SLC39A11: variants seen among roughly 807,000 people sequenced by gnomAD.
The protein encoded by SLC39A11 is zinc transporter ZIP11.
In SLC39A11, 33 loss-of-function variants were observed where a neutral mutation model predicts 36.1. The observed-to-expected ratio is 0.91, with a 90% CI of 0.69 to 1.22. SLC39A11 has a LOEUF of 1.22. Among genes scored for constraint, SLC39A11 ranks in the 50% most tolerant of loss-of-function variants. The pLI is 0.00. For synonymous variants in SLC39A11, 166 were observed against 170.3 expected, an observed-to-expected ratio of 0.97 and a Z score of 0.20; for missense variants, 432 against 430.3, an observed-to-expected ratio of 1.00 and a Z score of -0.03.
intron 7 of SLC39A11, among the ~76,000 whole-genome samples, chr17:72,653,419 G>T (rs528839464): frequency 1.4e-5 from 2 of 142,888 alleles, no homozygotes; most frequent in East Asian, 4.2e-4. Flanking sequence ...TTTTTGTTTT[G>T]GTTTTTCTTT....
chr17:73,029,332 G>A (rs1284295623), intron 4 of SLC39A11, among the ~76,000 whole-genome samples: 1 of 152,012 alleles, frequency 6.6e-6, no homozygotes, highest in African/African-American at 2.4e-5. Context: ...GGAGAGAAGA[G>A]TAGAATGGGA....
At chr17:72,904,635 G>A (rs562166988) in intron 5 of SLC39A11, among the ~76,000 whole-genome samples, 43 of 152,304 alleles carry the variant, frequency 2.8e-4, no homozygotes, top group Non-Finnish European at 5.1e-4. Flanking sequence ...TTGGCCTGAG[G>A]AACCCTCTGG....
intron 7 of SLC39A11, among the ~76,000 whole-genome samples, chr17:72,659,848 G>A (rs978834637): frequency 3.9e-5 from 6 of 151,936 alleles, no homozygotes; most frequent in African/African-American, 1.5e-4. Flanking sequence ...CAATCTGCCC[G>A]CCTCAGGCTC....
intron 2 of SLC39A11, among the ~76,000 whole-genome samples, chr17:73,086,252 C>T (rs1452866452): frequency 1.3e-5 from 2 of 151,892 alleles, no homozygotes; most frequent in African/African-American, 2.4e-5. Context: ...AAGCTGCATA[C>T]TTATATTAGG....
chr17:72,844,466 C>T (rs543026882), intron 6 of SLC39A11, among the ~76,000 whole-genome samples: 2 of 152,166 alleles, frequency 1.3e-5, no homozygotes, highest in Non-Finnish European at 2.9e-5. Context: ...TCCAGGAGTT[C>T]AAGACCAGCC....
chr17:72,875,927 C>T (rs2080878733), intron 5 of SLC39A11, among the ~76,000 whole-genome samples: 1 of 152,200 alleles, frequency 6.6e-6, no homozygotes, highest in Non-Finnish European at 1.5e-5. Flanking sequence ...CATCCTGGAG[C>T]TACCACCCCT....
intron 7 of SLC39A11, among the ~76,000 whole-genome samples, chr17:72,683,143 A>G (rs779260785): frequency 1.3e-5 from 2 of 152,100 alleles, no homozygotes; most frequent in African/African-American, 2.4e-5. Flanking sequence ...CTAATTTACT[A>G]CAGGTAACTG....
chr17:72,674,029 C>T (rs1461105880), intron 7 of SLC39A11, among the ~76,000 whole-genome samples: 1 of 152,120 alleles, frequency 6.6e-6, no homozygotes, highest in Non-Finnish European at 1.5e-5. Flanking sequence ...GATCGTGCCA[C>T]TGCAATCCAG....
At position 72,687,310 on chromosome 17, in the gene SLC39A11, C is replaced by A. The variant is rs534328358; in HGVS notation, c.672-38042G>T. Among the ~76,000 whole-genome samples, 4 of 152,206 alleles carry A rather than the reference C, an allele frequency of 2.6e-5. No homozygotes were observed. The South Asian group carries it at 8.3e-4, about 32-fold the overall frequency. The stretch of plus-strand genomic sequence containing the variant: ...TCGCTCTGTTGCCCAGGCTGGAGTG[C>A]GATGGTGCGATCTCGGCTCACTGCA... On this transcript the variant is annotated intron_variant, in intron 7 of 9. Transcript: ENST00000255559.
At chr17:72,969,532 T>C (rs1206871468) in intron 4 of SLC39A11, among the ~76,000 whole-genome samples, 2 of 152,132 alleles carry the variant, frequency 1.3e-5, no homozygotes, top group Non-Finnish European at 2.9e-5. Context: ...CAATATGGCA[T>C]TCACGTTCCT....
At chr17:72,768,163 C>T (rs1411842392) in intron 6 of SLC39A11, among the ~76,000 whole-genome samples, 1 of 152,212 alleles carries the variant, frequency 6.6e-6, no homozygotes, top group Non-Finnish European at 1.5e-5. Context: ...AAGGGCCAAT[C>T]TGCAATAGTG....
chr17:73,062,154 A>G lies in SLC39A11; in HGVS notation c.147+22654T>C, dbSNP rs150263572. On this transcript the variant is annotated intron_variant, in intron 3 of 9. Transcript: ENST00000255559. ...TAGTTTGTCAAACTCATAATCCTGGAAAGACAATCAAAACTTCAGATGAGG... is the reference window on the plus strand; with the variant it reads ...TAGTTTGTCAAACTCATAATCCTGGGAAGACAATCAAAACTTCAGATGAGG... Among the ~76,000 whole-genome samples the G allele has an allele frequency of 2.6e-5, 4 of 152,046 alleles. No homozygotes were observed. The East Asian group carries it at 7.8e-4, about 30-fold the overall frequency.
intron 3 of SLC39A11, among the ~76,000 whole-genome samples, chr17:73,047,488 A>G (rs1029716730): frequency 1.4e-4 from 22 of 152,180 alleles, no homozygotes; most frequent in Admixed American, 2.6e-4. Flanking sequence ...AAATAAAATA[A>G]CATTTACATA....
At chr17:72,979,928 C>A (rs1056068939) in intron 4 of SLC39A11, among the ~76,000 whole-genome samples, 2 of 152,110 alleles carry the variant, frequency 1.3e-5, no homozygotes, top group African/African-American at 4.8e-5. Flanking sequence ...ACCCACTTCC[C>A]ATGACCTCCC....
At chr17:72,783,908 C>A (rs1380132970) in intron 6 of SLC39A11, among the ~76,000 whole-genome samples, 1 of 152,176 alleles carries the variant, frequency 6.6e-6, no homozygotes, top group Non-Finnish European at 1.5e-5. Flanking sequence ...GGAGCCAGGG[C>A]AGCCAGCCCC....
At chr17:72,976,681 C>G (rs557957200) in intron 4 of SLC39A11, among the ~76,000 whole-genome samples, 2 of 152,184 alleles carry the variant, frequency 1.3e-5, no homozygotes, top group African/African-American at 4.8e-5. Context: ...AAACCCCAAT[C>G]TCTACTAAAA....
chr17:72,694,015 G>A lies in SLC39A11; in HGVS notation c.671+42635C>T, dbSNP rs2072166502. On this transcript the variant is annotated intron_variant, in intron 7 of 9. Coordinates refer to ENST00000255559, the MANE Select transcript of SLC39A11 (RefSeq NM_139177.4). ...CTCCCTGCCCTGACTCTCCCGAGGG[G>A]ACAGAGTCCTCTCCTTGCTCAGTCT... 3.3e-5 allele frequency among the ~76,000 whole-genome samples: 5 copies of A among 152,150 alleles called. No homozygotes were observed. In the South Asian group the frequency reaches 1.0e-3, roughly 32 times the overall value.
chr17:73,087,931 G>C (rs2060788645), intron 2 of SLC39A11, among the ~76,000 whole-genome samples: 1 of 152,136 alleles, frequency 6.6e-6, no homozygotes, highest in Admixed American at 6.5e-5. Flanking sequence ...CCCAACTCAA[G>C]TCCACAGGGG....
intron 7 of SLC39A11, among the ~76,000 whole-genome samples, chr17:72,663,437 T>A (rs998228363): frequency 6.6e-6 from 1 of 152,142 alleles, no homozygotes; most frequent in African/African-American, 2.4e-5. Context: ...GAAACCCACA[T>A]CCCGATCAAG....
Sources: allele counts gnomAD v4.1 joint callset (sites outside exome capture counted in the v4.1 genomes callset), GRCh38; gene constraint gnomAD v4.1.1; transcripts MANE v1.5; gene names NCBI Gene and HGNC (gene_info 2026-07-23, HGNC 2026-07-21).